The following CDH12 variants were observed in gnomAD, a reference collection of about 807,000 sequenced individuals.
The protein encoded by CDH12 is cadherin 12, also known as cadherin-12.
In CDH12, 41 loss-of-function variants were observed where a neutral mutation model predicts 74.1. That is an observed-to-expected ratio of 0.55 (90% CI 0.43 to 0.72). CDH12 has a LOEUF of 0.72. Ranked by LOEUF, CDH12 falls within the 30% of genes least tolerant of loss-of-function variation. The pLI, the probability that CDH12 is intolerant of heterozygous loss-of-function variation, is 0.00. For missense variants in CDH12, 945 were observed against 977.2 expected (o/e 0.97, Z 0.44); for synonymous variants, 399 against 355.0 (o/e 1.12, Z -1.39).
chr5:22,791,700 A>T (rs943970686), intron 1 of CDH12, among the ~76,000 whole-genome samples: 9 of 152,202 alleles, frequency 5.9e-5, no homozygotes, highest in Non-Finnish European at 1.3e-4. Flanking sequence ...GAAATTTACA[A>T]TCATTGCAAA....
At chr5:22,501,424 T>C (rs1736137773) in intron 2 of CDH12, among the ~76,000 whole-genome samples, 1 of 152,096 alleles carries the variant, frequency 6.6e-6, no homozygotes, top group South Asian at 2.1e-4. Context: ...CAATCATGAG[T>C]AATTGGAATA....
Position 21,752,146 on chromosome 5 carries a change from T to G in CDH12, c.1976A>C (p.His659Pro). Residue 659 changes from histidine (H) to proline (P), a missense_variant, in exon 15 of 15, where the codon CAT becomes CCT. Physicochemically the swap from His to Pro is moderately conservative, Grantham distance 77. Transcript: ENST00000382254. ...SKEDIRDNVIHYDDEGGGEED... is the reference protein window; with the variant it reads ...SKEDIRDNVIPYDDEGGGEED... ...CTCCCCACCTCCTTCATCATCGTAA[T>G]GGATGACGTTGTCTCTGATGTCTTC... 6.2e-7 allele frequency: 1 copy of G among 1,614,090 alleles called. No individual in the cohort carries two copies. The highest frequency in any genetic ancestry group is 1.1e-5 in the South Asian group (1 of 91,084).
chr5:22,411,695 A>G (rs1489600040), intron 2 of CDH12, among the ~76,000 whole-genome samples: 2 of 152,028 alleles, frequency 1.3e-5, no homozygotes, highest in Non-Finnish European at 2.9e-5. Context: ...GTTTTGACCC[A>G]GCATTTTTGC....
intron 5 of CDH12, among the ~76,000 whole-genome samples, chr5:22,055,874 C>A (rs906324718): frequency 1.3e-5 from 2 of 151,962 alleles, no homozygotes; most frequent in African/African-American, 4.8e-5. Flanking sequence ...TCAGTGGAGG[C>A]AAAACTAAAA....
intron 10 of CDH12, among the ~76,000 whole-genome samples, chr5:21,800,026 T>A (rs1747022226): frequency 6.6e-6 from 1 of 152,152 alleles, no homozygotes; most frequent in Non-Finnish European, 1.5e-5. Flanking sequence ...TAATGGAGTT[T>A]CCCCTGTTAG....
chr5:22,305,023 TA>T (rs1233247522), intron 3 of CDH12, among the ~76,000 whole-genome samples: 6 of 152,222 alleles, frequency 3.9e-5, no homozygotes, highest in African/African-American at 1.4e-4. Context: ...AAATAATTGC[TA>T]AAAATACTCT....
intron 1 of CDH12, among the ~76,000 whole-genome samples, chr5:22,767,441 G>T (rs560189455): frequency 7.9e-5 from 12 of 151,968 alleles, no homozygotes; most frequent in African/African-American, 2.9e-4. Flanking sequence ...AATTGAACTT[G>T]GAAAATAAAC....
At chr5:22,552,678 C>T (rs1296574061) in intron 1 of CDH12, among the ~76,000 whole-genome samples, 1 of 152,100 alleles carries the variant, frequency 6.6e-6, no homozygotes, top group Non-Finnish European at 1.5e-5. Flanking sequence ...CTGCCCACCT[C>T]AGCCTCCCAA....
intron 5 of CDH12, among the ~76,000 whole-genome samples, chr5:21,977,583 A>T (rs1394607362): frequency 1.3e-5 from 2 of 152,160 alleles, no homozygotes; most frequent in Admixed American, 6.5e-5. Context: ...TTAAAAAGAA[A>T]AAAGAAAAAC....
chr5:21,947,931 T>C (rs1755653973), intron 6 of CDH12, among the ~76,000 whole-genome samples: 1 of 152,180 alleles, frequency 6.6e-6, no homozygotes, highest in Non-Finnish European at 1.5e-5. Context: ...AAGGAGACAA[T>C]GTACAGCTCA....
chr5:21,910,755 A>G (rs1287365502), intron 6 of CDH12, among the ~76,000 whole-genome samples: 1 of 151,922 alleles, frequency 6.6e-6, no homozygotes, highest in Non-Finnish European at 1.5e-5. Context: ...CCACCACACC[A>G]AGAAACCTCA....
At chr5:22,390,232 T>A (rs185054863) in intron 3 of CDH12, among the ~76,000 whole-genome samples, 107 of 152,254 alleles carry the variant, frequency 7.0e-4, no homozygotes, top group African/African-American at 2.0e-3. Context: ...GCCAAGAACC[T>A]CGACCTTAAC....
At chr5:21,945,752 T>TA (rs199713707) in intron 6 of CDH12, among the ~76,000 whole-genome samples, 26,532 of 149,196 alleles carry the variant, frequency 0.18, 2,793 homozygotes, top group African/African-American at 0.3. Context: ...AGAAAACTGA[T>TA]AAAAAAAAAA....
chr5:21,831,127 G>T lies in CDH12; in HGVS notation c.814+11034C>A, dbSNP rs141124673. Among the ~76,000 whole-genome samples, 341 of 152,066 alleles carry T rather than the reference G, an allele frequency of 2.2e-3. 2 individuals are homozygous for T. The highest frequency in any genetic ancestry group is 7.8e-3 in the African/African-American group (325 of 41,514). ...TACAGTGAGACTTTAAAACAATGTC[G>T]TTTTAGCTTTGATTAGTGGAGCAGT... On this transcript the variant is annotated intron_variant, in intron 8 of 14. Coordinates refer to ENST00000382254, the MANE Select transcript of CDH12 (RefSeq NM_004061.5).
chr5:21,901,645 C>G (rs1386181709), intron 6 of CDH12, among the ~76,000 whole-genome samples: 1 of 152,118 alleles, frequency 6.6e-6, no homozygotes, highest in Non-Finnish European at 1.5e-5. Context: ...CCACATCTCT[C>G]TGGATACTGG....
At chr5:22,124,123 C>G (rs1194351747) in intron 4 of CDH12, among the ~76,000 whole-genome samples, 1 of 151,500 alleles carries the variant, frequency 6.6e-6, no homozygotes, top group Non-Finnish European at 1.5e-5. Flanking sequence ...CGCGCCAACA[C>G]TCCCTGCTGA....
At chr5:22,519,207 C>T (rs1736939314) in intron 1 of CDH12, among the ~76,000 whole-genome samples, 2 of 152,048 alleles carry the variant, frequency 1.3e-5, no homozygotes, top group Non-Finnish European at 2.9e-5. Context: ...CAAAGGCCTC[C>T]CTTGCCTAAG....
At chr5:21,875,160 A>G (rs955871319) in intron 6 of CDH12, among the ~76,000 whole-genome samples, 1 of 152,188 alleles carries the variant, frequency 6.6e-6, no homozygotes, top group Non-Finnish European at 1.5e-5. Context: ...ATTGTGGAAG[A>G]CAGTGTGGCT....
At chr5:22,387,870 G>T (rs1199423090) in intron 3 of CDH12, among the ~76,000 whole-genome samples, 2 of 151,982 alleles carry the variant, frequency 1.3e-5, no homozygotes, top group African/African-American at 4.8e-5. Context: ...TTTATAATAG[G>T]CATGAAAATA....
Sources: gnomAD v4.1 joint callset for allele counts (sites outside exome capture counted in the v4.1 genomes callset) on GRCh38, gnomAD v4.1.1 for gene constraint, MANE v1.5 for transcripts, NCBI Gene and HGNC (gene_info 2026-07-23, HGNC 2026-07-21) for gene names.